Variants in TMEM132D observed in about 807,000 individuals in gnomAD.
TMEM132D encodes the protein mature OL transmembrane protein.
A neutral mutation model predicts 62.3 loss-of-function variants in TMEM132D; 21 were observed. The ratio of observed to expected loss-of-function variants is 0.34; its 90% CI spans 0.24 to 0.49. TMEM132D has a LOEUF of 0.49. Ranked by LOEUF, TMEM132D falls within the 20% of genes least tolerant of loss-of-function variation. The pLI, the probability that TMEM132D is intolerant of heterozygous loss-of-function variation, is 0.99. For synonymous variants in TMEM132D, 621 were observed against 575.6 expected (o/e 1.08, Z -1.13); for missense variants, 1,346 against 1,402.8 (o/e 0.96, Z 0.65).
chr12:129,632,494 A>G (rs1042668054), intron 2 of TMEM132D, among the ~76,000 whole-genome samples: 2 of 152,154 alleles, frequency 1.3e-5, no homozygotes, highest in African/African-American at 2.4e-5. Context: ...TCTGTCTTCA[A>G]GACCCATTAT....
rs570718927 is a variant in TMEM132D, at chr12:129,421,451, C to T, written c.1116-83634G>A. ...TGTCTGGATACATTTGTGCTTGTCG[C>T]ACCCCATGGGGGAGCATGCTATGAC... is the stretch of plus-strand genomic sequence containing the variant. On this transcript the variant is annotated intron_variant, in intron 3 of 8. Transcript: ENST00000422113. Among the ~76,000 whole-genome samples, 4 of 152,324 alleles carry T rather than the reference C, an allele frequency of 2.6e-5. No homozygotes were observed. In the East Asian group the frequency reaches 5.8e-4, roughly 22 times the overall value.
intron 2 of TMEM132D, among the ~76,000 whole-genome samples, chr12:129,666,630 C>T (rs1379112682): frequency 2.0e-5 from 3 of 152,094 alleles, no homozygotes; most frequent in African/African-American, 7.2e-5. Context: ...GGCCTGGGGA[C>T]CTGTGGATAG....
intron 4 of TMEM132D, among the ~76,000 whole-genome samples, chr12:129,271,175 T>A (rs1880843166): frequency 6.6e-6 from 1 of 152,202 alleles, no homozygotes; most frequent in African/African-American, 2.4e-5. Flanking sequence ...TTGCTGGGAC[T>A]GACTGATGGG....
intron 2 of TMEM132D, among the ~76,000 whole-genome samples, chr12:129,659,271 GTTTTAAATCACTA>G (rs1880174828): frequency 6.6e-6 from 1 of 152,104 alleles, no homozygotes; most frequent in Non-Finnish European, 1.5e-5. Context: ...ATCGATGGCT[GTTTTAAATCACTA>G]AGTGTGGGGT....
intron 8 of TMEM132D, among the ~76,000 whole-genome samples, chr12:129,076,524 C>T (rs531239588): frequency 6.6e-6 from 1 of 152,316 alleles, no homozygotes; most frequent in African/African-American, 2.4e-5. Flanking sequence ...GTGGCCTCTG[C>T]TCTTTCCTTC....
intron 4 of TMEM132D, among the ~76,000 whole-genome samples, chr12:129,305,873 A>G (rs1217820843): frequency 6.6e-6 from 1 of 152,206 alleles, no homozygotes; most frequent in Admixed American, 6.5e-5. Flanking sequence ...ATAAATATTA[A>G]TTTGGATCAA....
At chr12:129,477,241 G>A (rs1293393307) in intron 3 of TMEM132D, among the ~76,000 whole-genome samples, 1 of 152,096 alleles carries the variant, frequency 6.6e-6, no homozygotes, top group East Asian at 1.9e-4. Context: ...AAACACAGTC[G>A]TAAGATGAGA....
intron 2 of TMEM132D, among the ~76,000 whole-genome samples, chr12:129,564,302 T>C (rs1877312384): frequency 6.6e-6 from 1 of 152,230 alleles, no homozygotes; most frequent in Non-Finnish European, 1.5e-5. Context: ...TCATGTGGCA[T>C]AGTTCCTGCA....
At chr12:129,557,398 G>T (rs1029511409) in intron 2 of TMEM132D, among the ~76,000 whole-genome samples, 1 of 152,176 alleles carries the variant, frequency 6.6e-6, no homozygotes, top group African/African-American at 2.4e-5. Context: ...GGGGTGAAGA[G>T]GTACAAACTT....
At chr12:129,247,410 C>T (rs1480299249) in intron 4 of TMEM132D, among the ~76,000 whole-genome samples, 6 of 152,134 alleles carry the variant, frequency 3.9e-5, no homozygotes, top group Admixed American at 6.5e-5. Context: ...TCTCAGCACA[C>T]GACAGTCTAT....
chr12:129,318,263 T>C (rs1199621115), intron 4 of TMEM132D, among the ~76,000 whole-genome samples: 1 of 152,212 alleles, frequency 6.6e-6, no homozygotes, highest in African/African-American at 2.4e-5. Context: ...TCCTTCTCAT[T>C]TGGGTAAGCT....
At chr12:129,266,688 C>T (rs959606945) in intron 4 of TMEM132D, among the ~76,000 whole-genome samples, 1 of 151,714 alleles carries the variant, frequency 6.6e-6, no homozygotes, top group African/African-American at 2.4e-5. Flanking sequence ...GACCACTCTG[C>T]CAATGAGACC....
intron 3 of TMEM132D, among the ~76,000 whole-genome samples, chr12:129,391,675 A>G (rs536819913): frequency 6.6e-6 from 1 of 152,186 alleles, no homozygotes; most frequent in Non-Finnish European, 1.5e-5. Context: ...AAACAAAAAC[A>G]AAAACTCAAC....
chr12:129,492,563 G>A (rs1874828248), intron 3 of TMEM132D, among the ~76,000 whole-genome samples: 1 of 152,090 alleles, frequency 6.6e-6, no homozygotes, highest in African/African-American at 2.4e-5. Flanking sequence ...ATAACATCTT[G>A]TAATTTTTTG....
chr12:129,421,778 C>A (rs1030870857), intron 3 of TMEM132D, among the ~76,000 whole-genome samples: 1 of 152,096 alleles, frequency 6.6e-6, no homozygotes, highest in South Asian at 2.1e-4. Flanking sequence ...AAACATTTTT[C>A]TTCATTTTTG....
intron 1 of TMEM132D, among the ~76,000 whole-genome samples, chr12:129,820,365 A>G (rs1872511786): frequency 6.6e-6 from 1 of 152,218 alleles, no homozygotes; most frequent in African/African-American, 2.4e-5. Context: ...AGGTAAAGTA[A>G]CAGAGACTCA....
At chr12:129,761,820 C>T (rs906726442) in intron 1 of TMEM132D, among the ~76,000 whole-genome samples, 1 of 152,142 alleles carries the variant, frequency 6.6e-6, no homozygotes, top group African/African-American at 2.4e-5. Context: ...CAAATCCCTA[C>T]CCCAGAAATG....
intron 2 of TMEM132D, among the ~76,000 whole-genome samples, chr12:129,662,647 G>T (rs1404012941): frequency 6.6e-6 from 1 of 152,088 alleles, no homozygotes; most frequent in Admixed American, 6.5e-5. Context: ...ACAAAAATTA[G>T]CTGGGCATGG....
At chr12:129,312,206 C>T (rs1488335232) in intron 4 of TMEM132D, among the ~76,000 whole-genome samples, 2 of 152,170 alleles carry the variant, frequency 1.3e-5, no homozygotes, top group Non-Finnish European at 2.9e-5. Flanking sequence ...ACAAAGCAGA[C>T]AGCTGCGTTT....
Sources: allele counts gnomAD v4.1 joint callset (sites outside exome capture counted in the v4.1 genomes callset), GRCh38; gene constraint gnomAD v4.1.1; transcripts MANE v1.5; gene names NCBI Gene and HGNC (gene_info 2026-07-23, HGNC 2026-07-21).